KCNQ1: variants seen among roughly 807,000 people sequenced by gnomAD.
The protein encoded by KCNQ1 is potassium voltage-gated channel subfamily Q member 1.
Under a neutral mutation model 72.4 loss-of-function variants are expected in KCNQ1, and 49 were observed. The observed-to-expected ratio is 0.68, with a 90% CI of 0.54 to 0.86. KCNQ1 has a LOEUF of 0.86. Among genes scored for constraint, KCNQ1 ranks in the 40% least tolerant of loss-of-function variants. The probability of loss-of-function intolerance (pLI) is 0.00; values close to 1 mark genes in which losing one functional copy is unlikely to be tolerated. For missense variants in KCNQ1, 790 were observed against 945.1 expected, an observed-to-expected ratio of 0.84 and a Z score of 2.15; for synonymous variants, 450 against 412.6, an observed-to-expected ratio of 1.09 and a Z score of -1.10.
Position 2,777,967 on chromosome 11 carries a change from C to G in KCNQ1, c.1733-9C>G. 4 of 1,613,696 alleles carry G rather than the reference C, an allele frequency of 2.5e-6. No individual in the cohort carries two copies. Among genetic ancestry groups the G allele is most frequent in the Non-Finnish European group, 3.4e-6 (4 of 1,179,916 alleles). Reference sequence around the variant, plus strand: ...CTTGGCCCTGATTTGGGTGTTTTATCCCCCATAGAAAAGAGCAAGGATCGC... The same window carrying G: ...CTTGGCCCTGATTTGGGTGTTTTATGCCCCATAGAAAAGAGCAAGGATCGC... On this transcript the variant is annotated splice_polypyrimidine_tract_variant and intron_variant, in intron 14 of 15. Transcript: ENST00000155840.
rs768988268 is a variant in KCNQ1 at position 2,481,988 on chromosome 11, C to T, written c.386+36504C>T. ...AAAAACTGTTTTCCATGAAACCAGT[C>T]ACTGGTCCCAAAAAGGTTGGGGACC... On this transcript the variant is annotated intron_variant, in intron 1 of 15. Transcript: ENST00000155840. This position sits in a 1 kb window ranked among gnomAD's most constrained non-coding sequence, Gnocchi z 4.6. Among the ~76,000 whole-genome samples, 6 of 152,226 alleles carry T rather than the reference C, an allele frequency of 3.9e-5. No individual in the cohort carries two copies. The highest frequency in any genetic ancestry group is 7.3e-5 in the Non-Finnish European group (5 of 68,040).
intron 10 of KCNQ1, chr11:2,633,228 G>A (rs1015757806): frequency 1.1e-4 from 42 of 398,332 alleles, no homozygotes; most frequent in Non-Finnish European, 1.7e-4. Flanking sequence ...TTCTAAATCA[G>A]ATAATCTGGT....
intron 1 of KCNQ1, among the ~76,000 whole-genome samples, chr11:2,522,171 G>C (rs939454094): frequency 9.3e-5 from 14 of 150,990 alleles, no homozygotes; most frequent in Non-Finnish European, 1.2e-4. Flanking sequence ...TTGTTTTCTG[G>C]GGTGCGGTGG....
rs545146883 is a variant in KCNQ1, at chr11:2,695,575, C to A, written c.1514+33494C>A. ...ATGCTGCCCTGAGCATGCACACACA[C>A]AGCCTCTCGTTGTTCTGGGTGAGAA... On this transcript the variant is annotated intron_variant, in intron 11 of 15. Transcript: ENST00000155840. The surrounding 1 kb of genome is among the most constrained non-coding windows in gnomAD (Gnocchi z 5.2). 127 of 398,556 alleles carry A rather than the reference C, an allele frequency of 3.2e-4. No individual in the cohort carries two copies. Among genetic ancestry groups the A allele is most frequent in the Non-Finnish European group, 2.1e-4 (48 of 226,106 alleles). 24.7% of individuals were successfully genotyped at this position (398,556 alleles called of 1,614,324 possible). A position where few individuals can be genotyped will look rare whatever the true frequency, so the allele number is the denominator to read the frequency against.
intron 10 of KCNQ1, among the ~76,000 whole-genome samples, chr11:2,589,596 C>T (rs544679556): frequency 6.6e-6 from 1 of 152,212 alleles, no homozygotes; most frequent in Non-Finnish European, 1.5e-5. Context: ...CAGCAGTGCC[C>T]GGTTGTGGCT....
rs1308944802 is a variant in KCNQ1, at chr11:2,608,837, G to C, written c.1393+19983G>C. On this transcript the variant is annotated intron_variant, in intron 10 of 15. Transcript: ENST00000155840. This position sits in a 1 kb window ranked among gnomAD's most constrained non-coding sequence, Gnocchi z 4.6. ...AAACTGTCATTCATTTCTGATTTTA[G>C]TAATTTGAGTTTTCTCTCTCCCCCT... 9.8e-5 allele frequency: 39 copies of C among 398,174 alleles called. No individual in the cohort carries two copies. The Admixed American group carries it at 1.7e-3, about 18-fold the overall frequency. 24.7% of individuals were successfully genotyped at this position (398,174 alleles called of 1,614,324 possible).
At chr11:2,838,564 G>T (rs562132834) in intron 15 of KCNQ1, among the ~76,000 whole-genome samples, 1 of 152,168 alleles carries the variant, frequency 6.6e-6, no homozygotes, top group African/African-American at 2.4e-5. Context: ...CGGGGACAGC[G>T]AGGGGTATTG....
At chr11:2,622,261 C>G (rs1272275459) in intron 10 of KCNQ1, 3 of 398,160 alleles carry the variant, frequency 7.5e-6, no homozygotes, top group African/African-American at 4.1e-5. Context: ...TTTCCAATTG[C>G]GAAGTCTTGA....
intron 15 of KCNQ1, among the ~76,000 whole-genome samples, chr11:2,842,670 T>C (rs865995352): frequency 1.3e-5 from 2 of 152,136 alleles, no homozygotes; most frequent in Non-Finnish European, 2.9e-5. Context: ...GAGGTACACA[T>C]ATGTGGGCTC....
In KCNQ1 at chr11:2,738,410, G is replaced by A. The variant is rs143341960; in HGVS notation, c.1515-30434G>A. ...AGAAGATCCTTCTTCCAGGCTAAGCGCCATGTGAGAATGCAGCAGGTCGGG... is the reference window on the plus strand; with the variant it reads ...AGAAGATCCTTCTTCCAGGCTAAGCACCATGTGAGAATGCAGCAGGTCGGG... On this transcript the variant is annotated intron_variant, in intron 11 of 15. Coordinates refer to ENST00000155840, the MANE Select transcript of KCNQ1 (RefSeq NM_000218.3). 7.1e-3 allele frequency among the ~76,000 whole-genome samples: 1,076 copies of A among 152,316 alleles called. 14 individuals are homozygous for A. The highest frequency in any genetic ancestry group is 0.025 in the African/African-American group (1,023 of 41,570).
intron 10 of KCNQ1, chr11:2,615,862 T>C (rs900066280): frequency 1.0e-5 from 4 of 398,000 alleles, no homozygotes; most frequent in Non-Finnish European, 1.8e-5. Flanking sequence ...TTGGAATCCA[T>C]GTAATACTGG....
In KCNQ1 at chr11:2,620,913, G is replaced by T. The variant is rs1849158759; in HGVS notation, c.1393+32059G>T. On this transcript the variant is annotated intron_variant, in intron 10 of 15. Transcript: ENST00000155840. This position sits in a 1 kb window ranked among gnomAD's most constrained non-coding sequence, Gnocchi z 4.5. ...CTGGTGTGAGATGGCATCCCATTAT[G>T]GTTTGGTGTTTTTTTGTTGTTGTTG... The T allele has an allele frequency of 2.0e-5, 8 of 394,988 alleles. No homozygotes were observed. The highest frequency in any genetic ancestry group is 3.5e-5 in the Non-Finnish European group (8 of 225,362). 24.5% of individuals were successfully genotyped at this position (394,988 alleles called of 1,614,324 possible).
chr11:2,682,722 G>A lies in KCNQ1; in HGVS notation c.1514+20641G>A. 1 of 398,612 alleles carries A rather than the reference G, an allele frequency of 2.5e-6. No homozygotes were observed. 24.7% of individuals were successfully genotyped at this position (398,612 alleles called of 1,614,324 possible). On this transcript the variant is annotated intron_variant, in intron 11 of 15. Transcript: ENST00000155840. This position sits in a 1 kb window ranked among gnomAD's most constrained non-coding sequence, Gnocchi z 5.8. ...TGACCAGAATATCTCTAGTCATAAA[G>A]AATCTCTTCCCCTTGAGCCCACTCA...
rs1846694765 is a variant in KCNQ1 at position 2,484,032 on chromosome 11, G to A, written c.386+38548G>A. On this transcript the variant is annotated intron_variant, in intron 1 of 15. Transcript: ENST00000155840. The surrounding 1 kb of genome is among the most constrained non-coding windows in gnomAD (Gnocchi z 5.2). Reference sequence around the variant, plus strand: ...CTTTCTTTCTATGTTTGTTAATTTGGATTCTTCTCCAGGAAGAGCTGTCCC... The same window carrying A: ...CTTTCTTTCTATGTTTGTTAATTTGAATTCTTCTCCAGGAAGAGCTGTCCC... 1.3e-5 allele frequency among the ~76,000 whole-genome samples: 2 copies of A among 152,132 alleles called. No individual in the cohort carries two copies. Among genetic ancestry groups the A allele is most frequent in the Admixed American group, 6.5e-5 (1 of 15,274 alleles).
At position 2,471,817 on chromosome 11, in the gene KCNQ1, C is replaced by T. The variant is rs959465833; in HGVS notation, c.386+26333C>T. 2.8e-5 allele frequency among the ~76,000 whole-genome samples: 4 copies of T among 140,882 alleles called. No homozygotes were observed. Among genetic ancestry groups the T allele is most frequent in the African/African-American group, 1.1e-4 (4 of 37,260 alleles). The allele number at this position is 140,882 out of a possible 152,430, so 92.4% of individuals were successfully genotyped here. ...GCATGTGTATATAGGTGTGTGTGCA[C>T]GTGTATGGGTGCGTGTGCACCTATG... is the stretch of plus-strand genomic sequence containing the variant. On this transcript the variant is annotated intron_variant, in intron 1 of 15. Coordinates refer to ENST00000155840, the MANE Select transcript of KCNQ1 (RefSeq NM_000218.3). The surrounding 1 kb of genome is among the most constrained non-coding windows in gnomAD (Gnocchi z 4.8).
At chr11:2,696,050 T>C (rs1850671269) in intron 11 of KCNQ1, 4 of 398,512 alleles carry the variant, frequency 1.0e-5, no homozygotes, top group African/African-American at 4.1e-5. Context: ...TTAGTATTAT[T>C]ATGAAAACAG....
intron 15 of KCNQ1, among the ~76,000 whole-genome samples, chr11:2,796,335 C>T (rs569663042): frequency 4.8e-4 from 73 of 152,308 alleles, no homozygotes; most frequent in African/African-American, 1.7e-3. Context: ...AAGGCGGCCA[C>T]GTCAGTTCTC....
rs374476817 is a variant in KCNQ1, at chr11:2,521,479, A to G, written c.387-6449A>G. 4.3e-5 allele frequency: 20 copies of G among 467,902 alleles called. No individual in the cohort carries two copies. The East Asian group carries it at 1.2e-3, about 28-fold the overall frequency. 29.0% of individuals were successfully genotyped at this position (467,902 alleles called of 1,614,324 possible). On this transcript the variant is annotated intron_variant, in intron 1 of 15. Coordinates refer to ENST00000155840, the MANE Select transcript of KCNQ1 (RefSeq NM_000218.3). Reference sequence around the variant, plus strand: ...TTAACGTAATTTTTAATGTTTACAGATTCAAGAAATTAAGCATACGGTCAC... The same window carrying G: ...TTAACGTAATTTTTAATGTTTACAGGTTCAAGAAATTAAGCATACGGTCAC...
At position 2,664,263 on chromosome 11, in the gene KCNQ1, C is replaced by T. The variant is rs1350966181; in HGVS notation, c.1514+2182C>T. The T allele has an allele frequency of 5.0e-6, 2 of 398,958 alleles. No individual in the cohort carries two copies. The highest frequency in any genetic ancestry group is 4.4e-5 in the Admixed American group (1 of 22,710). The allele number at this position is 398,958 out of a possible 1,614,324, so 24.7% of individuals were successfully genotyped here. A position where few individuals can be genotyped will look rare whatever the true frequency, so the allele number is the denominator to read the frequency against. On this transcript the variant is annotated intron_variant, in intron 11 of 15. Coordinates refer to ENST00000155840, the MANE Select transcript of KCNQ1 (RefSeq NM_000218.3). This position sits in a 1 kb window ranked among gnomAD's most constrained non-coding sequence, Gnocchi z 5.1. ...AAGAGGGGACTGGGAGAGGGAAAAACAAGGAGGTTGCTGCAAAGGGGCCAC... is the reference window on the plus strand; with the variant it reads ...AAGAGGGGACTGGGAGAGGGAAAAATAAGGAGGTTGCTGCAAAGGGGCCAC...
Sources: gnomAD v4.1 joint callset for allele counts (sites outside exome capture counted in the v4.1 genomes callset) on GRCh38, gnomAD v4.1.1 for gene constraint, Gnocchi (gnomAD v3.1) non-coding constraint, MANE v1.5 for transcripts, NCBI Gene and HGNC (gene_info 2026-07-23, HGNC 2026-07-21) for gene names.